Variants in PLCL1 observed in about 807,000 individuals in gnomAD.
The protein encoded by PLCL1 is inactive phospholipase C-like protein 1.
PLCL1 carries 41 observed loss-of-function variants against 84.4 expected under a neutral mutation model. The observed-to-expected ratio is 0.49, with a 90% confidence interval of 0.38 to 0.63. The LOEUF (loss-of-function observed/expected upper bound fraction) is 0.63. Ranked by LOEUF, PLCL1 falls within the 30% of genes least tolerant of loss-of-function variation. PLCL1 has a pLI of 0.00. For missense variants in PLCL1, 1,206 were observed against 1,367.8 expected (o/e 0.88, Z 1.87); for synonymous variants, 490 against 488.3 (o/e 1.00, Z -0.05).
chr2:197,827,414 G>T (rs946177919), intron 1 of PLCL1, among the ~76,000 whole-genome samples: 1 of 151,906 alleles, frequency 6.6e-6, no homozygotes, highest in African/African-American at 2.4e-5. Flanking sequence ...GCTCATAGTT[G>T]CTCAATATAT....
chr2:197,961,526 A>C (rs1689623162), intron 1 of PLCL1, among the ~76,000 whole-genome samples: 1 of 151,966 alleles, frequency 6.6e-6, no homozygotes. Flanking sequence ...GAACTATTAT[A>C]CTTAATACTA....
chr2:197,961,696 G>A (rs1261661839), intron 1 of PLCL1, among the ~76,000 whole-genome samples: 1 of 151,872 alleles, frequency 6.6e-6, no homozygotes, highest in Non-Finnish European at 1.5e-5. Context: ...GGCAGTTAAC[G>A]TCTTTTTTCT....
intron 1 of PLCL1, among the ~76,000 whole-genome samples, chr2:197,908,159 T>A (rs1323278497): frequency 6.6e-6 from 1 of 152,194 alleles, no homozygotes; most frequent in African/African-American, 2.4e-5. Flanking sequence ...ATAGACATGC[T>A]GCTTAAGAGA....
chr2:198,018,473 T>A (rs1271158130), intron 1 of PLCL1, among the ~76,000 whole-genome samples: 1 of 152,150 alleles, frequency 6.6e-6, no homozygotes, highest in East Asian at 1.9e-4. Context: ...CAAGCTGAGA[T>A]CCACTGGCTT....
intron 1 of PLCL1, among the ~76,000 whole-genome samples, chr2:197,977,312 G>A (rs1413233747): frequency 1.3e-5 from 2 of 150,780 alleles, no homozygotes; most frequent in African/African-American, 4.9e-5. Flanking sequence ...TGTCCTATTA[G>A]GACAGCTTCA....
intron 1 of PLCL1, among the ~76,000 whole-genome samples, chr2:198,028,388 T>C (rs1204301486): frequency 1.3e-5 from 2 of 152,172 alleles, no homozygotes; most frequent in African/African-American, 4.8e-5. Context: ...TCCCCCTTGC[T>C]ACGGATGTGG....
chr2:198,026,405 CTT>C (rs1691266675), intron 1 of PLCL1, among the ~76,000 whole-genome samples: 1 of 152,020 alleles, frequency 6.6e-6, no homozygotes, highest in Admixed American at 6.6e-5. Context: ...TTGTGAATGA[CTT>C]AGTGAGTTAA....
chr2:197,956,253 C>G (rs1279612029), intron 1 of PLCL1, among the ~76,000 whole-genome samples: 1 of 152,102 alleles, frequency 6.6e-6, no homozygotes, highest in Non-Finnish European at 1.5e-5. Context: ...CAAGTCTATG[C>G]TTTGTAAATA....
chr2:197,830,577 A>G (rs968869639), intron 1 of PLCL1, among the ~76,000 whole-genome samples: 10 of 152,142 alleles, frequency 6.6e-5, no homozygotes, highest in African/African-American at 2.2e-4. Context: ...GGGAGGATGG[A>G]ACCAAGTTGG....
intron 1 of PLCL1, among the ~76,000 whole-genome samples, chr2:198,017,060 A>C (rs1271157191): frequency 1.3e-5 from 2 of 152,350 alleles, no homozygotes; most frequent in East Asian, 3.9e-4. Flanking sequence ...TCTTAAAGGC[A>C]TGATAGTGAC....
chr2:197,884,044 A>G (rs1687875576), intron 1 of PLCL1, among the ~76,000 whole-genome samples: 1 of 152,158 alleles, frequency 6.6e-6, no homozygotes, highest in African/African-American at 2.4e-5. Context: ...TAATTTTTTC[A>G]TATTTAAAAT....
intron 1 of PLCL1, among the ~76,000 whole-genome samples, chr2:197,929,200 C>G (rs1688886377): frequency 6.6e-6 from 1 of 152,140 alleles, no homozygotes; most frequent in Admixed American, 6.6e-5. Context: ...ATATAAGAGA[C>G]TTGAGCATTC....
chr2:198,103,687 A>G (rs2105913752), intron 4 of PLCL1, 140 bp from the exon 5 acceptor site: 2 of 530,638 alleles, frequency 3.8e-6, no homozygotes, highest in East Asian at 3.2e-5. Context: ...ACAGAATGAA[A>G]AGGATAATTC....
chr2:197,810,073 C>T (rs1690553151), intron 1 of PLCL1, among the ~76,000 whole-genome samples: 1 of 152,026 alleles, frequency 6.6e-6, no homozygotes, highest in South Asian at 2.1e-4. Context: ...GTAAGGGTTG[C>T]TGAGAGTGTG....
intron 1 of PLCL1, among the ~76,000 whole-genome samples, chr2:197,937,230 C>A (rs1298257797): frequency 1.3e-5 from 2 of 152,058 alleles, no homozygotes; most frequent in African/African-American, 4.8e-5. Flanking sequence ...CAGCTTTGTT[C>A]TTTTTCAAGA....
chr2:198,081,522 T>C (rs979712856), intron 1 of PLCL1, among the ~76,000 whole-genome samples: 1 of 152,232 alleles, frequency 6.6e-6, no homozygotes, highest in Non-Finnish European at 1.5e-5. Flanking sequence ...TTAAGATTTA[T>C]AGATGTTTTT....
intron 1 of PLCL1, among the ~76,000 whole-genome samples, chr2:197,894,403 T>G (rs1688092464): frequency 6.6e-6 from 1 of 151,972 alleles, no homozygotes; most frequent in Admixed American, 6.6e-5. Flanking sequence ...TGCTTCTGAG[T>G]GCTAGGCAGC....
chr2:197,908,921 G>C (rs999947734), intron 1 of PLCL1, among the ~76,000 whole-genome samples: 7 of 152,160 alleles, frequency 4.6e-5, no homozygotes, highest in African/African-American at 7.2e-5. Flanking sequence ...ACATGGTCAA[G>C]TATTTGATTG....
intron 1 of PLCL1, among the ~76,000 whole-genome samples, chr2:197,901,487 A>G (rs1023945170): frequency 2.6e-5 from 4 of 152,188 alleles, no homozygotes; most frequent in Non-Finnish European, 5.9e-5. Context: ...TTTCCGATGA[A>G]GTAGGATGAC....
Sources: gnomAD v4.1 joint callset for allele counts (sites outside exome capture counted in the v4.1 genomes callset) on GRCh38, gnomAD v4.1.1 for gene constraint, MANE v1.5 for transcripts, NCBI Gene and HGNC (gene_info 2026-07-23, HGNC 2026-07-21) for gene names.